Variants in AGK observed in about 807,000 individuals in gnomAD.
AGK encodes the protein acylglycerol kinase, mitochondrial.
Under a neutral mutation model 66.4 loss-of-function variants are expected in AGK, and 52 were observed. That is an observed-to-expected ratio of 0.78 (90% CI 0.63 to 0.99). The LOEUF (loss-of-function observed/expected upper bound fraction) is 0.99. AGK is among the 50% of genes least tolerant of loss of function. The probability of loss-of-function intolerance (pLI) is 0.00; values close to 1 mark genes in which losing one functional copy is unlikely to be tolerated. For missense variants in AGK, 451 were observed against 506.6 expected, an observed-to-expected ratio of 0.89 and a Z score of 1.05; for synonymous variants, 182 against 181.1, an observed-to-expected ratio of 1.00 and a Z score of -0.04.
chr7:141,556,554 A>AT (rs1226026100), intron 2 of AGK, among the ~76,000 whole-genome samples: 6 of 152,004 alleles, frequency 3.9e-5, no homozygotes, highest in Middle Eastern at 3.4e-3. Flanking sequence ...AAAAAAAAAA[A>AT]AAATAAAGAA....
At chr7:141,603,549 G>A (rs1796386042) in intron 5 of AGK, among the ~76,000 whole-genome samples, 1 of 152,060 alleles carries the variant, frequency 6.6e-6, no homozygotes, top group Non-Finnish European at 1.5e-5. Context: ...GTTGATAAAA[G>A]CATGAAAGCA....
At chr7:141,585,394 C>T (rs1162332055) in intron 2 of AGK, among the ~76,000 whole-genome samples, 1 of 152,192 alleles carries the variant, frequency 6.6e-6, no homozygotes, top group African/African-American at 2.4e-5. Context: ...TTCTTTCATT[C>T]CTATTGCTCC....
At position 141,596,732 on chromosome 7, in the gene AGK, T is replaced by C. The variant is rs574516747; in HGVS notation, c.221+91T>C. 77 of 1,135,890 alleles carry C rather than the reference T, an allele frequency of 6.8e-5. 2 individuals are homozygous for C. In the South Asian group the frequency reaches 7.2e-4, roughly 11 times the overall value. 70.4% of individuals were successfully genotyped at this position (1,135,890 alleles called of 1,614,324 possible). A position where few individuals can be genotyped will look rare whatever the true frequency, so the allele number is the denominator to read the frequency against. On this transcript the variant is annotated intron_variant, in intron 4 of 15. Transcript: ENST00000649286. The stretch of plus-strand genomic sequence containing the variant: ...AGGCAGCTAGTGAGATTGTGTGGAA[T>C]TGGAAGAACTAGGTTTAGTACTCTT...
intron 14 of AGK, 68 bp downstream of exon 14, chr7:141,649,401 C>A: frequency 8.5e-7 from 1 of 1,173,260 alleles, no homozygotes; most frequent in South Asian, 1.3e-5. Context: ...TCAGAGTGCC[C>A]CATGAAGTCT....
chr7:141,610,150 G>A (rs1263218339), intron 5 of AGK, among the ~76,000 whole-genome samples: 1 of 151,928 alleles, frequency 6.6e-6, no homozygotes. Flanking sequence ...TGTATTTTTA[G>A]TAGAGACGGG....
intron 9 of AGK, among the ~76,000 whole-genome samples, chr7:141,633,500 C>G (rs2116997434): frequency 6.6e-6 from 1 of 152,250 alleles, no homozygotes; most frequent in Middle Eastern, 3.4e-3. Flanking sequence ...TCTGATCTGA[C>G]TTGAGAGCTC....
At position 141,601,292 on chromosome 7, in the gene AGK, T is replaced by C. The variant is rs752770176; in HGVS notation, c.297+12T>C. On this transcript the variant is annotated intron_variant, in intron 5 of 15. Transcript: ENST00000649286. ...TGACTATTGTTAAGGTAAGAATGGC[T>C]CCTGAATGTTTATTTCACCCAAGCA... 4.4e-6 allele frequency: 7 copies of C among 1,600,082 alleles called. No individual in the cohort carries two copies. The South Asian group carries it at 5.6e-5, about 13-fold the overall frequency.
At chr7:141,552,199 T>A (rs1795106644) in intron 1 of AGK, among the ~76,000 whole-genome samples, 1 of 152,242 alleles carries the variant, frequency 6.6e-6, no homozygotes, top group African/African-American at 2.4e-5. Flanking sequence ...TCTCTTTAGC[T>A]TTAATTTTAG....
chr7:141,611,133 T>G, intron 5 of AGK, 62 bp from the exon 6 acceptor site: 1 of 1,080,542 alleles, frequency 9.3e-7, no homozygotes, highest in Non-Finnish European at 1.4e-6. Context: ...CCCACATTTT[T>G]AAACCTTTAA....
rs901424462 is a variant in AGK, at chr7:141,555,118, C to G, written c.-14-335C>G. On this transcript the variant is annotated intron_variant, in intron 1 of 15. Coordinates refer to ENST00000649286, the MANE Select transcript of AGK (RefSeq NM_018238.4). The surrounding 1 kb of genome is among the most constrained non-coding windows in gnomAD (Gnocchi z 4.2). ...AGGAGTTAGAAAAACCAGAGGAAGC[C>G]TGGAATTCCCTTCCTCTCTTTCTGC... 1.3e-5 allele frequency among the ~76,000 whole-genome samples: 2 copies of G among 152,096 alleles called. No homozygotes were observed. Among genetic ancestry groups the G allele is most frequent in the Admixed American group, 1.3e-4 (2 of 15,272 alleles).
At chr7:141,582,234 T>C (rs1162422966) in intron 2 of AGK, among the ~76,000 whole-genome samples, 1 of 151,986 alleles carries the variant, frequency 6.6e-6, no homozygotes, top group East Asian at 1.9e-4. Context: ...AGTGACCAGA[T>C]TTCTGGCACT....
At chr7:141,595,276 T>C (rs1469649902) in intron 3 of AGK, among the ~76,000 whole-genome samples, 2 of 152,136 alleles carry the variant, frequency 1.3e-5, no homozygotes, top group Admixed American at 6.5e-5. Context: ...AGAGAATGGT[T>C]AGTGATATCA....
rs545676126 is a variant in AGK, at chr7:141,577,801, G to A, written c.102-15345G>A. Among the ~76,000 whole-genome samples, 6 of 150,368 alleles carry A rather than the reference G, an allele frequency of 4.0e-5. No homozygotes were observed. The East Asian group carries it at 9.8e-4, about 25-fold the overall frequency. ...GTTGTCCTGCCCTTCCAGATCGAATGCCCCAACATAAATCTTCTTTTTTTT... is the reference window on the plus strand; with the variant it reads ...GTTGTCCTGCCCTTCCAGATCGAATACCCCAACATAAATCTTCTTTTTTTT... On this transcript the variant is annotated intron_variant, in intron 2 of 15. Transcript: ENST00000649286.
chr7:141,602,109 A>G (rs978747419), intron 5 of AGK, among the ~76,000 whole-genome samples: 2 of 151,892 alleles, frequency 1.3e-5, no homozygotes, highest in Non-Finnish European at 1.5e-5. Flanking sequence ...TGTTTCTTCA[A>G]TGATTGGTGA....
chr7:141,652,584 G>T, intron 15 of AGK: 1 of 441,460 alleles, frequency 2.3e-6, no homozygotes, highest in Non-Finnish European at 4.0e-6. Flanking sequence ...TTTCATGGAT[G>T]GTAGAATTAG....
intron 14 of AGK, chr7:141,650,567 CTGT>C (rs1214094893): frequency 9.1e-6 from 9 of 985,366 alleles, no homozygotes; most frequent in Non-Finnish European, 1.1e-5. Flanking sequence ...TGTAGAGTTA[CTGT>C]TGTTAATAAA....
intron 15 of AGK, 195 bp from the exon 16 acceptor site, chr7:141,652,592 T>C (rs947936631): frequency 3.3e-4 from 152 of 455,762 alleles, no homozygotes; most frequent in Non-Finnish European, 4.1e-4. Context: ...ATGGTAGAAT[T>C]AGGATGTTTC....
chr7:141,571,055 T>C (rs1795595466), intron 2 of AGK, among the ~76,000 whole-genome samples: 2 of 152,234 alleles, frequency 1.3e-5, no homozygotes, highest in Admixed American at 1.3e-4. Flanking sequence ...AAACCAGTGA[T>C]ACTGGCCCTG....
chr7:141,642,003 A>G, intron 13 of AGK, 95 bp downstream of exon 13: 3 of 1,128,046 alleles, frequency 2.7e-6, no homozygotes, highest in Non-Finnish European at 3.9e-6. Context: ...TTTTATTTTT[A>G]CCCTGTGGAG....
Sources: gnomAD v4.1 joint callset for allele counts (sites outside exome capture counted in the v4.1 genomes callset) on GRCh38, gnomAD v4.1.1 for gene constraint, Gnocchi (gnomAD v3.1) non-coding constraint, MANE v1.5 for transcripts, NCBI Gene and HGNC (gene_info 2026-07-23, HGNC 2026-07-21) for gene names.